The following BMP6 variants were observed in gnomAD, a reference collection of about 807,000 sequenced individuals.
BMP6 encodes bone morphogenetic protein 6, also known as VG-1-R.
BMP6 carries 17 observed loss-of-function variants against 54.1 expected under a neutral mutation model. The observed-to-expected ratio is 0.31, with a 90% CI of 0.22 to 0.47. The LOEUF (loss-of-function observed/expected upper bound fraction) is 0.47. BMP6 is among the 20% of genes least tolerant of loss of function. The probability of loss-of-function intolerance (pLI) is 1.00; values close to 1 mark genes in which losing one functional copy is unlikely to be tolerated. For missense variants in BMP6, 720 were observed against 690.4 expected (o/e 1.04, Z -0.48); for synonymous variants, 328 against 291.2 (o/e 1.13, Z -1.28).
chr6:7,867,556 T>TTGGGAAG (rs1759445238), intron 4 of BMP6, among the ~76,000 whole-genome samples: 1 of 152,224 alleles, frequency 6.6e-6, no homozygotes, highest in Non-Finnish European at 1.5e-5. Flanking sequence ...CATTCAAAGC[T>TTGGGAAG]TGGGAAGAAT....
At position 7,729,788 on chromosome 6, in the gene BMP6, G is replaced by A. The variant is rs1761819552; in HGVS notation, c.664+2169G>A. 2.0e-5 allele frequency among the ~76,000 whole-genome samples: 3 copies of A among 152,162 alleles called. No homozygotes were observed. The South Asian group carries it at 6.2e-4, about 32-fold the overall frequency. Reference sequence around the variant, plus strand: ...ACGTGGGTGTTACGTGGGAGGTAGGGGGGAACGCCTTAAAAAAACCCAGAT... The same window carrying A: ...ACGTGGGTGTTACGTGGGAGGTAGGAGGGAACGCCTTAAAAAAACCCAGAT... On this transcript the variant is annotated intron_variant, in intron 1 of 6. Coordinates refer to ENST00000283147, the MANE Select transcript of BMP6 (RefSeq NM_001718.6).
intron 1 of BMP6, among the ~76,000 whole-genome samples, chr6:7,768,115 G>GT (rs1189050794): frequency 6.6e-6 from 1 of 152,150 alleles, no homozygotes; most frequent in Non-Finnish European, 1.5e-5. Context: ...CCTCCAGGTG[G>GT]TTTTGGCTCT....
intron 1 of BMP6, among the ~76,000 whole-genome samples, chr6:7,840,420 T>C (rs1347637028): frequency 6.6e-6 from 1 of 152,208 alleles, no homozygotes; most frequent in African/African-American, 2.4e-5. Flanking sequence ...TTATGCTTCA[T>C]TACCTCCGTA....
intron 1 of BMP6, among the ~76,000 whole-genome samples, chr6:7,835,208 C>T (rs889932699): frequency 2.6e-5 from 4 of 152,052 alleles, no homozygotes; most frequent in Non-Finnish European, 4.4e-5. Context: ...CTGCCAGCTC[C>T]GCCTCCCGGG....
chr6:7,845,527 A>G (rs1228782427), intron 2 of BMP6, among the ~76,000 whole-genome samples, 195 bp downstream of exon 2: 2 of 152,208 alleles, frequency 1.3e-5, no homozygotes, highest in African/African-American at 4.8e-5. Context: ...CCAAATAGCT[A>G]TCTTTTCCTA....
chr6:7,752,014 A>C (rs922316245), intron 1 of BMP6, among the ~76,000 whole-genome samples: 1 of 152,216 alleles, frequency 6.6e-6, no homozygotes, highest in Non-Finnish European at 1.5e-5. Flanking sequence ...AACACACTTC[A>C]TTTGAATTTT....
intron 1 of BMP6, among the ~76,000 whole-genome samples, chr6:7,757,718 C>G (rs147943178): frequency 3.9e-4 from 60 of 152,324 alleles, no homozygotes; most frequent in African/African-American, 1.3e-3. Flanking sequence ...GCATCATTTC[C>G]AGACTGCTCT....
At chr6:7,865,109 G>A (rs916560450) in intron 4 of BMP6, among the ~76,000 whole-genome samples, 2 of 152,096 alleles carry the variant, frequency 1.3e-5, no homozygotes, top group Non-Finnish European at 2.9e-5. Flanking sequence ...TTTTTAAATT[G>A]AGAAAAGATG....
intron 4 of BMP6, among the ~76,000 whole-genome samples, chr6:7,877,793 C>T (rs1186433211): frequency 6.6e-6 from 1 of 152,332 alleles, no homozygotes; most frequent in African/African-American, 2.4e-5. Context: ...ATGACCTAGG[C>T]TCTTACACCC....
At chr6:7,759,738 C>T (rs1325685732) in intron 1 of BMP6, among the ~76,000 whole-genome samples, 2 of 115,264 alleles carry the variant, frequency 1.7e-5, no homozygotes, top group African/African-American at 6.7e-5. Flanking sequence ...GAATCTCACT[C>T]TGTTGCCCAG....
At position 7,727,586 on chromosome 6, in the gene BMP6, G is replaced by A. The variant is rs754995942; in HGVS notation, c.631G>A (p.Asp211Asn). Reference protein sequence around the residue: ...TSAQDSAFLNDADMVMSFVNL... With the variant: ...TSAQDSAFLNNADMVMSFVNL... ...CGCGCAGGACAGCGCCTTCCTCAAC[G>A]ACGCGGACATGGTCATGAGCTTTGT... The change falls in exon 1 of 7, where the codon GAC becomes AAC. Residue 211 changes from aspartate to asparagine, a missense_variant. Asp to Asn is a conservative substitution (Grantham distance 23). Coordinates refer to ENST00000283147, the MANE Select transcript of BMP6 (RefSeq NM_001718.6). 6 of 1,580,102 alleles carry A rather than the reference G, an allele frequency of 3.8e-6. No homozygotes were observed. Among genetic ancestry groups the A allele is most frequent in the East Asian group, 2.3e-5 (1 of 44,166 alleles).
At chr6:7,771,537 C>T (rs866679234) in intron 1 of BMP6, among the ~76,000 whole-genome samples, 16 of 152,294 alleles carry the variant, frequency 1.1e-4, no homozygotes, top group Admixed American at 1.3e-4. Context: ...AGTTACATAA[C>T]GTTTTTCCTA....
At chr6:7,876,717 A>G (rs947126039) in intron 4 of BMP6, among the ~76,000 whole-genome samples, 1 of 152,160 alleles carries the variant, frequency 6.6e-6, no homozygotes, top group African/African-American at 2.4e-5. Context: ...ATCTTTAGTT[A>G]TATCTAATCT....
At chr6:7,832,748 G>A (rs73719340) in intron 1 of BMP6, among the ~76,000 whole-genome samples, 3,666 of 147,116 alleles carry the variant, frequency 0.025, 157 homozygotes, top group African/African-American at 0.084. Context: ...CTAGGATGAC[G>A]TAGGGGCACC....
Position 7,867,317 on chromosome 6 carries a change from G to A in BMP6, c.1204+4819G>A, listed in dbSNP as rs558075251. On this transcript the variant is annotated intron_variant, in intron 4 of 6. Coordinates refer to ENST00000283147, the MANE Select transcript of BMP6 (RefSeq NM_001718.6). Reference sequence around the variant, plus strand: ...ATAGTTTATATTTTCTGTCCTTTAAGCTTCCCGGTTGGGACTATTCAATAG... The same window carrying A: ...ATAGTTTATATTTTCTGTCCTTTAAACTTCCCGGTTGGGACTATTCAATAG... 3.3e-5 allele frequency among the ~76,000 whole-genome samples: 5 copies of A among 152,250 alleles called. No homozygotes were observed. The East Asian group carries it at 9.6e-4, about 29-fold the overall frequency.
intron 1 of BMP6, among the ~76,000 whole-genome samples, chr6:7,737,968 C>CT (rs370257748): frequency 2.4e-4 from 36 of 149,352 alleles, no homozygotes; most frequent in Middle Eastern, 3.4e-3. Context: ...ATATTTTCTT[C>CT]TTTTTTTTTT....
chr6:7,796,168 G>A (rs956062739), intron 1 of BMP6, among the ~76,000 whole-genome samples: 3 of 152,196 alleles, frequency 2.0e-5, no homozygotes, highest in African/African-American at 7.2e-5. Context: ...ATCCTGGGGA[G>A]GAGGTTGGAC....
intron 4 of BMP6, among the ~76,000 whole-genome samples, chr6:7,867,536 C>A (rs115643464): frequency 0.012 from 1,753 of 152,284 alleles, 39 homozygotes; most frequent in African/African-American, 0.039. Flanking sequence ...CTGGGTCGGT[C>A]CACCATGGAC....
chr6:7,836,574 A>G (rs1344793239), intron 1 of BMP6, among the ~76,000 whole-genome samples: 5 of 152,198 alleles, frequency 3.3e-5, no homozygotes, highest in Non-Finnish European at 7.3e-5. Flanking sequence ...AAGCTGGGTG[A>G]AGGGTGCATG....
Sources: allele counts gnomAD v4.1 joint callset (sites outside exome capture counted in the v4.1 genomes callset), GRCh38; gene constraint gnomAD v4.1.1; transcripts MANE v1.5; gene names NCBI Gene and HGNC (gene_info 2026-07-23, HGNC 2026-07-21).